SKI: variants seen among roughly 807,000 people sequenced by gnomAD.
The protein encoded by SKI is SKI proto-oncogene, also known as ski oncogene.
A neutral mutation model predicts 59.3 loss-of-function variants in SKI; 23 were observed. That is an observed-to-expected ratio of 0.39 (90% CI 0.28 to 0.55). The LOEUF is 0.55. Among genes scored for constraint, SKI ranks in the 20% least tolerant of loss-of-function variants. SKI has a pLI of 0.67. For missense variants in SKI, 1,017 were observed against 1,038.9 expected (o/e 0.98, Z 0.29); for synonymous variants, 673 against 488.6 (o/e 1.38, Z -4.98).
intron 1 of SKI, among the ~76,000 whole-genome samples, chr1:2,288,411 T>C (rs1192413001): frequency 6.6e-6 from 1 of 152,244 alleles, no homozygotes; most frequent in African/African-American, 2.4e-5. Flanking sequence ...CATGAGCCAC[T>C]GTGCCCAGCA....
At chr1:2,253,051 A>G (rs1228946207) in intron 1 of SKI, among the ~76,000 whole-genome samples, 7 of 151,526 alleles carry the variant, frequency 4.6e-5, no homozygotes, top group Non-Finnish European at 8.8e-5. Flanking sequence ...AGCCCAGGTC[A>G]TGCCACTGTA....
chr1:2,280,366 C>T (rs1049758425), intron 1 of SKI, among the ~76,000 whole-genome samples: 15 of 144,924 alleles, frequency 1.0e-4, no homozygotes, highest in African/African-American at 1.3e-4. Context: ...ACAGAGCAAG[C>T]GTCTGTCTCA....
At chr1:2,287,353 T>TG (rs1640060262) in intron 1 of SKI, among the ~76,000 whole-genome samples, 1 of 151,542 alleles carries the variant, frequency 6.6e-6, no homozygotes, top group Non-Finnish European at 1.5e-5. Flanking sequence ...TTTTTTTTTT[T>TG]TGAGACTGAG....
At chr1:2,280,506 G>A (rs1557836622) in intron 1 of SKI, among the ~76,000 whole-genome samples, 1 of 152,190 alleles carries the variant, frequency 6.6e-6, no homozygotes, top group Non-Finnish European at 1.5e-5. Flanking sequence ...GTCTTGGAAA[G>A]AGCCACTTCT....
At chr1:2,273,988 G>C (rs1356980735) in intron 1 of SKI, among the ~76,000 whole-genome samples, 1 of 152,110 alleles carries the variant, frequency 6.6e-6, no homozygotes, top group African/African-American at 2.4e-5. Context: ...ACAGTGTCCT[G>C]GTCGCCCCAG....
intron 1 of SKI, among the ~76,000 whole-genome samples, chr1:2,259,671 C>A (rs915562756): frequency 1.3e-5 from 2 of 152,192 alleles, no homozygotes; most frequent in African/African-American, 4.8e-5. Flanking sequence ...AGATGATGAA[C>A]CTGTCCGTCA....
At chr1:2,249,395 T>C (rs1639071257) in intron 1 of SKI, among the ~76,000 whole-genome samples, 1 of 152,156 alleles carries the variant, frequency 6.6e-6, no homozygotes, top group Admixed American at 6.5e-5. Context: ...TGGGAGACAA[T>C]TGTCTGCTCA....
chr1:2,260,604 G>A (rs1639369255), intron 1 of SKI, among the ~76,000 whole-genome samples: 1 of 119,538 alleles, frequency 8.4e-6, no homozygotes, highest in Non-Finnish European at 1.6e-5. Context: ...ACAATCTTGT[G>A]ATCTGGGCTC....
At chr1:2,302,637 C>T (rs968912567) in intron 1 of SKI, among the ~76,000 whole-genome samples, 9 of 152,104 alleles carry the variant, frequency 5.9e-5, no homozygotes, top group South Asian at 2.1e-4. Flanking sequence ...CAGGCTGAGC[C>T]GCTGTGGAAG....
chr1:2,228,729 C>CGCGGGA lies in SKI; in HGVS notation c.-27_-22dup, dbSNP rs748049703. ...GGCGGGGGCCGGGGGGGCCCGGGCG[C>CGCGGGA]GCGGGAGCGGGAGCGGCCGGGGGAG... On this transcript the variant is annotated 5_prime_UTR_variant, in exon 1 of 7. Coordinates refer to ENST00000378536, the MANE Select transcript of SKI (RefSeq NM_003036.4). 17 of 1,034,126 alleles carry CGCGGGA rather than the reference C, an allele frequency of 1.6e-5. No individual in the cohort carries two copies. In the East Asian group the frequency reaches 5.6e-4, roughly 34 times the overall value. The allele number at this position is 1,034,126 out of a possible 1,614,324, so 64.1% of individuals were successfully genotyped here.
At chr1:2,251,402 G>A (rs1639144582) in intron 1 of SKI, among the ~76,000 whole-genome samples, 1 of 152,152 alleles carries the variant, frequency 6.6e-6, no homozygotes, top group East Asian at 1.9e-4. Flanking sequence ...GATTACAGGT[G>A]TGAACCCCCG....
rs1165928055 is a variant in SKI, at chr1:2,269,181, AAGCG to A, written c.970-33795_970-33792del. On this transcript the variant is annotated intron_variant, in intron 1 of 6. Coordinates refer to ENST00000378536, the MANE Select transcript of SKI (RefSeq NM_003036.4). The surrounding 1 kb of genome is among the most constrained non-coding windows in gnomAD (Gnocchi z 4.7). ...AGGCTGGTCTAGAACTCCTGGGCTC[AAGCG>A]ATCCTCCTGCTTCAGCCTCCCAAAG... 6.6e-5 allele frequency among the ~76,000 whole-genome samples: 10 copies of A among 152,148 alleles called. No homozygotes were observed. In the East Asian group the frequency reaches 1.7e-3, roughly 26 times the overall value.
Position 2,245,270 on chromosome 1 carries a change from C to T in SKI, c.969+15535C>T, listed in dbSNP as rs577162024. ...CGTAGCCTGTGTCACAGTCTCCTTC[C>T]TTCTCAAGACTGAACCGCAGGCTGC... On this transcript the variant is annotated intron_variant, in intron 1 of 6. Transcript: ENST00000378536. Among the ~76,000 whole-genome samples, 42 of 152,244 alleles carry T rather than the reference C, an allele frequency of 2.8e-4. 1 individual carries two copies. The highest frequency in any genetic ancestry group is 9.9e-4 in the African/African-American group (41 of 41,532).
At chr1:2,238,960 G>T (rs549722720) in intron 1 of SKI, among the ~76,000 whole-genome samples, 4 of 152,204 alleles carry the variant, frequency 2.6e-5, no homozygotes, top group Non-Finnish European at 4.4e-5. Flanking sequence ...GGACCTGGAG[G>T]GGGGTGGGGA....
intron 1 of SKI, among the ~76,000 whole-genome samples, chr1:2,285,552 AGTTTT>A (rs1640019600): frequency 6.8e-6 from 1 of 147,446 alleles, no homozygotes; most frequent in African/African-American, 2.6e-5. Flanking sequence ...TTCCTTTGAA[AGTTTT>A]GTTTTGTTGT....
rs1019637372 is a variant in SKI at position 2,240,462 on chromosome 1, A to G, written c.969+10727A>G. 13 of 984,704 alleles carry G rather than the reference A, an allele frequency of 1.3e-5. No individual in the cohort carries two copies. The South Asian group carries it at 2.8e-4, about 21-fold the overall frequency. 61.0% of individuals were successfully genotyped at this position (984,704 alleles called of 1,614,324 possible). ...TGGCGGCAAGCCACATGCTGTCACA[A>G]TGTTGCCTGGCCCCCATGAGGAGGT... On this transcript the variant is annotated intron_variant, in intron 1 of 6. Coordinates refer to ENST00000378536, the MANE Select transcript of SKI (RefSeq NM_003036.4).
intron 1 of SKI, among the ~76,000 whole-genome samples, chr1:2,296,710 C>G (rs903601627): frequency 3.2e-4 from 48 of 152,054 alleles, no homozygotes; most frequent in African/African-American, 1.1e-3. Flanking sequence ...TCCTTTGAAG[C>G]ACAAAGACGT....
intron 5 of SKI, 72 bp from the exon 6 acceptor site, chr1:2,305,948 G>A (rs1640561934): frequency 8.5e-7 from 1 of 1,175,202 alleles, no homozygotes; most frequent in South Asian, 1.3e-5. Context: ...GGTGGGCTGA[G>A]GACTGCTGGT....
chr1:2,268,143 G>T lies in SKI; in HGVS notation c.970-34835G>T, dbSNP rs1223201057. On this transcript the variant is annotated intron_variant, in intron 1 of 6. Transcript: ENST00000378536. This position sits in a 1 kb window ranked among gnomAD's most constrained non-coding sequence, Gnocchi z 5.0. ...GCAGCCCTGGCCCAGGTGCCCCCTG[G>T]GTTGTGCGGCGGGGCCCTGGCTCTG... is the stretch of plus-strand genomic sequence containing the variant. 6.6e-6 allele frequency among the ~76,000 whole-genome samples: 1 copy of T among 152,192 alleles called. No individual in the cohort carries two copies. The highest frequency in any genetic ancestry group is 6.5e-5 in the Admixed American group (1 of 15,284).
Sources: allele counts gnomAD v4.1 joint callset (sites outside exome capture counted in the v4.1 genomes callset), GRCh38; gene constraint gnomAD v4.1.1; non-coding constraint Gnocchi (gnomAD v3.1); transcripts MANE v1.5; gene names NCBI Gene and HGNC (gene_info 2026-07-23, HGNC 2026-07-21).